Variants in PTPN9 observed in about 807,000 individuals in gnomAD.
PTPN9 encodes the protein tyrosine-protein phosphatase non-receptor type 9.
In PTPN9, 26 loss-of-function variants were observed where a neutral mutation model predicts 69.8. The observed-to-expected ratio is 0.37, with a 90% confidence interval of 0.27 to 0.52. PTPN9 has a LOEUF of 0.52. PTPN9 is among the 20% of genes least tolerant of loss of function. The pLI is 0.91. For synonymous variants in PTPN9, 274 were observed against 272.5 expected (o/e 1.01, Z -0.05); for missense variants, 549 against 740.3 (o/e 0.74, Z 3.00).
chr15:75,540,937 G>C (rs1046555147), intron 1 of PTPN9, among the ~76,000 whole-genome samples: 6 of 151,766 alleles, frequency 4.0e-5, no homozygotes, highest in African/African-American at 1.2e-4. Flanking sequence ...AAATTAGCCA[G>C]GTGTGGTGGT....
At chr15:75,481,219 G>A (rs1294862233) in intron 8 of PTPN9, among the ~76,000 whole-genome samples, 2 of 81,246 alleles carry the variant, frequency 2.5e-5, no homozygotes, top group Admixed American at 1.3e-4. Flanking sequence ...GAGAAGTGAG[G>A]AGACCCTCTG....
intron 7 of PTPN9, among the ~76,000 whole-genome samples, chr15:75,493,595 A>C (rs2074723169): frequency 6.6e-6 from 1 of 152,020 alleles, no homozygotes; most frequent in Admixed American, 6.6e-5. Context: ...ACTCGTCTCT[A>C]CTAAAAATAC....
intron 10 of PTPN9, among the ~76,000 whole-genome samples, chr15:75,471,336 ACT>A (rs2074563702): frequency 6.6e-6 from 1 of 152,092 alleles, no homozygotes; most frequent in Non-Finnish European, 1.5e-5. Flanking sequence ...GTCAGAGAGA[ACT>A]CTCTGATAAA....
At chr15:75,569,077 T>C (rs1172744096) in intron 1 of PTPN9, among the ~76,000 whole-genome samples, 2 of 152,070 alleles carry the variant, frequency 1.3e-5, no homozygotes, top group Admixed American at 6.6e-5. Flanking sequence ...GGAGGTGTGC[T>C]TAGGGGGAAA....
In PTPN9 at chr15:75,537,548, T is replaced by C. The variant is rs138905609; in HGVS notation, c.64-10287A>G. On this transcript the variant is annotated intron_variant, in intron 1 of 12. Coordinates refer to ENST00000618819, the MANE Select transcript of PTPN9 (RefSeq NM_002833.4). ...GTGGGTGGACCATGAGGTTAAGAGA[T>C]CAAGACCATCCTGGCCAACACGGTG... Among the ~76,000 whole-genome samples the C allele has an allele frequency of 6.1e-3, 762 of 125,112 alleles. 20 individuals carry two copies. The highest frequency in any genetic ancestry group is 0.052 in the Admixed American group (581 of 11,148). 82.1% of individuals were successfully genotyped at this position (125,112 alleles called of 152,430 possible). A position where few individuals can be genotyped will look rare whatever the true frequency, so the allele number is the denominator to read the frequency against.
intron 1 of PTPN9, among the ~76,000 whole-genome samples, chr15:75,539,967 G>A (rs748478343): frequency 3.3e-5 from 5 of 152,182 alleles, no homozygotes; most frequent in Admixed American, 2.6e-4. Context: ...GGCAAGAGCC[G>A]CCACGTCTGG....
intron 1 of PTPN9, among the ~76,000 whole-genome samples, chr15:75,558,623 T>G (rs904654788): frequency 2.0e-5 from 3 of 152,040 alleles, no homozygotes; most frequent in African/African-American, 7.2e-5. Context: ...CACTGCAACC[T>G]CCCTGCCTGA....
At chr15:75,526,338 A>G (rs1386033654) in intron 2 of PTPN9, among the ~76,000 whole-genome samples, 2 of 152,158 alleles carry the variant, frequency 1.3e-5, no homozygotes, top group East Asian at 1.9e-4. Context: ...GAACACAGTA[A>G]GTATAAAATA....
At chr15:75,547,469 CA>C (rs2075038566) in intron 1 of PTPN9, among the ~76,000 whole-genome samples, 1 of 151,560 alleles carries the variant, frequency 6.6e-6, no homozygotes. Context: ...TGGTGGCAGA[CA>C]AAACAAAACA....
At chr15:75,526,763 CA>C (rs1301949592) in intron 2 of PTPN9, among the ~76,000 whole-genome samples, 2 of 152,136 alleles carry the variant, frequency 1.3e-5, no homozygotes, top group African/African-American at 2.4e-5. Flanking sequence ...AAGCCTTAGA[CA>C]ACCTGAAAAC....
intron 1 of PTPN9, among the ~76,000 whole-genome samples, chr15:75,574,236 G>A (rs1370496767): frequency 6.8e-6 from 1 of 148,064 alleles, no homozygotes; most frequent in African/African-American, 2.5e-5. Flanking sequence ...AATGAGCCGT[G>A]ATTACACCAC....
intron 1 of PTPN9, among the ~76,000 whole-genome samples, chr15:75,563,281 C>T (rs1325040716): frequency 4.6e-5 from 7 of 152,054 alleles, no homozygotes; most frequent in African/African-American, 1.7e-4. Context: ...CTCTGCCTCC[C>T]GGGTTCAAGC....
chr15:75,552,711 G>T (rs1047545384), intron 1 of PTPN9, among the ~76,000 whole-genome samples: 2 of 150,032 alleles, frequency 1.3e-5, no homozygotes, highest in Admixed American at 1.4e-4. Context: ...CTTACGATGG[G>T]TCTATTGGGA....
intron 1 of PTPN9, among the ~76,000 whole-genome samples, chr15:75,562,057 T>A (rs941360275): frequency 6.6e-6 from 1 of 151,896 alleles, no homozygotes; most frequent in African/African-American, 2.4e-5. Context: ...CTTGCTGTGT[T>A]GCCCAGGTTG....
Position 75,490,262 on chromosome 15 carries a change from T to C in PTPN9, c.1008A>G (p.Val336=), listed in dbSNP as rs1433281592. 2 of 1,613,716 alleles carry C rather than the reference T, an allele frequency of 1.2e-6. No individual in the cohort carries two copies. The highest frequency in any genetic ancestry group is 3.3e-5 in the Admixed American group (2 of 60,004). The change falls in exon 8 of 13, where the codon GTA becomes GTG. Residue 336 remains valine, a synonymous_variant. Transcript: ENST00000618819. ...TCACTCTAGTTTGGTCCAGGCAGGG[T>C]ACATCCCCATAACGGTTTTTCTCTA... ...GNLEKNRYGD[V]PCLDQTRVKL... is the part of the protein sequence containing the mutation.
At chr15:75,574,078 C>T (rs991097312) in intron 1 of PTPN9, among the ~76,000 whole-genome samples, 9 of 152,168 alleles carry the variant, frequency 5.9e-5, no homozygotes, top group Non-Finnish European at 1.0e-4. Flanking sequence ...TGAGAACTAG[C>T]TAGGGCCTAG....
intron 4 of PTPN9, among the ~76,000 whole-genome samples, chr15:75,521,053 G>A (rs1051158281): frequency 5.3e-5 from 8 of 152,092 alleles, no homozygotes; most frequent in Non-Finnish European, 1.2e-4. Flanking sequence ...GCCTTGCTAT[G>A]TTGCCCAGGC....
intron 1 of PTPN9, among the ~76,000 whole-genome samples, chr15:75,543,321 AACCATACT>A (rs2075017383): frequency 6.6e-6 from 1 of 152,150 alleles, no homozygotes; most frequent in African/African-American, 2.4e-5. Flanking sequence ...CCAGAGAAGG[AACCATACT>A]ACATCATACT....
At chr15:75,558,335 A>G (rs1323845154) in intron 1 of PTPN9, among the ~76,000 whole-genome samples, 1 of 150,596 alleles carries the variant, frequency 6.6e-6, no homozygotes, top group Non-Finnish European at 1.5e-5. Flanking sequence ...TCAAAAAAAA[A>G]AGAAAAAATA....
Sources: allele counts gnomAD v4.1 joint callset (sites outside exome capture counted in the v4.1 genomes callset), GRCh38; gene constraint gnomAD v4.1.1; transcripts MANE v1.5; gene names NCBI Gene and HGNC (gene_info 2026-07-23, HGNC 2026-07-21).